Variants in CLDN10 observed in about 807,000 individuals in gnomAD.
CLDN10 encodes the protein claudin 10.
A neutral mutation model predicts 22.9 loss-of-function variants in CLDN10; 15 were observed. The observed-to-expected ratio is 0.65, with a 90% CI of 0.44 to 1.01. The LOEUF (loss-of-function observed/expected upper bound fraction) is 1.01. Among genes scored for constraint, CLDN10 ranks in the 50% least tolerant of loss-of-function variants. The pLI is 0.00. For synonymous variants in CLDN10, 114 were observed against 111.4 expected, an observed-to-expected ratio of 1.02 and a Z score of -0.15; for missense variants, 247 against 287.8, an observed-to-expected ratio of 0.86 and a Z score of 1.03.
At chr13:95,572,741 A>G (rs2043878974) in intron 3 of CLDN10, among the ~76,000 whole-genome samples, 1 of 152,190 alleles carries the variant, frequency 6.6e-6, no homozygotes, top group African/African-American at 2.4e-5. Context: ...CCACTAGACT[A>G]TACAATCTGG....
intron 3 of CLDN10, among the ~76,000 whole-genome samples, chr13:95,572,646 C>T (rs906546251): frequency 6.6e-6 from 1 of 152,184 alleles, no homozygotes; most frequent in African/African-American, 2.4e-5. Context: ...GGGAGAACCA[C>T]GGTAATGTTT....
At chr13:95,433,907 C>A in exon 1 of CLDN10, 1 of 1,614,178 alleles carries the variant, frequency 6.2e-7, no homozygotes, top group Non-Finnish European at 8.5e-7. Flanking sequence ...GCTACCACGT[C>A]CAATGAGTGG....
intron 1 of CLDN10, among the ~76,000 whole-genome samples, chr13:95,523,850 A>G (rs955237543): frequency 7.2e-5 from 11 of 152,108 alleles, no homozygotes; most frequent in African/African-American, 2.4e-4. Flanking sequence ...ATTGTAGGAC[A>G]TTAAGCAGTT....
intron 1 of CLDN10, among the ~76,000 whole-genome samples, chr13:95,503,232 A>T (rs1039090226): frequency 1.3e-5 from 2 of 152,236 alleles, no homozygotes; most frequent in Non-Finnish European, 2.9e-5. Flanking sequence ...TGATAATATT[A>T]ATAAAAGCCA....
rs2042460868 is a variant in CLDN10 at position 95,454,226 on chromosome 13, G to A, written c.214+20179G>A. 1.3e-5 allele frequency among the ~76,000 whole-genome samples: 2 copies of A among 152,122 alleles called. 1 individual carries two copies. The highest frequency in any genetic ancestry group is 4.2e-4 in the South Asian group (2 of 4,816). ...AGGCTGAGGCGGGTGGATCACCTGA[G>A]GTCAGGAGTTCAAGACTAGCCTAGC... is the stretch of plus-strand genomic sequence containing the variant. On this transcript the variant is annotated intron_variant, in intron 1 of 4. Coordinates refer to the CLDN10 transcript ENST00000376873.
At chr13:95,496,629 A>G (rs914508278) in intron 1 of CLDN10, among the ~76,000 whole-genome samples, 10 of 152,178 alleles carry the variant, frequency 6.6e-5, no homozygotes, top group Non-Finnish European at 1.5e-4. Flanking sequence ...TGGCCTGCAG[A>G]TGGCTGCCAT....
At chr13:95,482,371 G>C (rs2042758465) in intron 1 of CLDN10, among the ~76,000 whole-genome samples, 4 of 152,144 alleles carry the variant, frequency 2.6e-5, no homozygotes, top group Admixed American at 2.6e-4. Flanking sequence ...TATGGCCCAA[G>C]TCAGGCGCCG....
At chr13:95,474,397 C>T (rs1230914554) in intron 1 of CLDN10, among the ~76,000 whole-genome samples, 1 of 152,228 alleles carries the variant, frequency 6.6e-6, no homozygotes, top group South Asian at 2.1e-4. Context: ...ACTCACCTGC[C>T]TGCCACTCAC....
intron 1 of CLDN10, among the ~76,000 whole-genome samples, chr13:95,516,991 CT>C (rs2043174816): frequency 1.3e-5 from 1 of 76,292 alleles, no homozygotes; most frequent in African/African-American, 3.1e-5. Flanking sequence ...TCCTTCCTTC[CT>C]TCCTTCCTTC....
At position 95,552,875 on chromosome 13, in the gene CLDN10, C is replaced by T; in HGVS notation, c.122C>T (p.Thr41Ile). ...TCTACCATCGACGGCACGGTCATCA[C>T]AACCGCCACCTATTGGGCCAACCTG... Reference protein sequence around the residue: ...KVSTIDGTVITTATYWANLWK... With the variant: ...KVSTIDGTVIITATYWANLWK... The change falls in exon 1 of 5, where the codon ACA becomes ATA. Residue 41 changes from threonine (T) to isoleucine (I), a missense_variant. Transcript: ENST00000299339. 4.3e-6 allele frequency: 7 copies of T among 1,614,140 alleles called. No homozygotes were observed. The highest frequency in any genetic ancestry group is 2.2e-5 in the South Asian group (2 of 91,090).
chr13:95,552,751 G>C lies in CLDN10; in HGVS notation c.-3G>C, dbSNP rs371744369. 6.2e-7 allele frequency: 1 copy of C among 1,607,202 alleles called. No homozygotes were observed. The highest frequency in any genetic ancestry group is 8.5e-7 in the Non-Finnish European group (1 of 1,177,302). The stretch of plus-strand genomic sequence containing the variant: ...GAGAGCGAGCGCGGCTGCAGCCGGC[G>C]GCATGGCTAGCACGGCTTCGGAGAT... On this transcript the variant is annotated 5_prime_UTR_variant, in exon 1 of 5. Transcript: ENST00000299339.
At chr13:95,498,638 A>C (rs1031195030) in intron 1 of CLDN10, among the ~76,000 whole-genome samples, 1 of 152,088 alleles carries the variant, frequency 6.6e-6, no homozygotes. Flanking sequence ...TAAGTGATCC[A>C]CCCATCTCAG....
At chr13:95,472,260 C>T (rs1161569308) in intron 1 of CLDN10, among the ~76,000 whole-genome samples, 1 of 152,092 alleles carries the variant, frequency 6.6e-6, no homozygotes, top group East Asian at 1.9e-4. Context: ...CACTACAGAG[C>T]TCATAAAATG....
At chr13:95,453,512 A>T (rs905958980) in intron 1 of CLDN10, among the ~76,000 whole-genome samples, 1 of 151,748 alleles carries the variant, frequency 6.6e-6, no homozygotes, top group Non-Finnish European at 1.5e-5. Context: ...GAGAAACCCC[A>T]TCTCTACTAA....
At chr13:95,564,522 A>G (rs2043758110) in intron 3 of CLDN10, among the ~76,000 whole-genome samples, 1 of 152,126 alleles carries the variant, frequency 6.6e-6, no homozygotes, top group Non-Finnish European at 1.5e-5. Context: ...CCCAACCCCT[A>G]AGGAAAAGAG....
chr13:95,458,777 C>A (rs1483056150), intron 1 of CLDN10, among the ~76,000 whole-genome samples: 1 of 152,166 alleles, frequency 6.6e-6, no homozygotes, highest in East Asian at 1.9e-4. Flanking sequence ...CCTCACATTT[C>A]AAAACATAAT....
intron 1 of CLDN10, among the ~76,000 whole-genome samples, chr13:95,505,403 C>T (rs1352476424): frequency 6.6e-6 from 1 of 152,200 alleles, no homozygotes; most frequent in Non-Finnish European, 1.5e-5. Context: ...TTACAATGGG[C>T]ACATGGGGAC....
At chr13:95,496,087 C>T (rs2042926859) in intron 1 of CLDN10, among the ~76,000 whole-genome samples, 1 of 152,218 alleles carries the variant, frequency 6.6e-6, no homozygotes, top group Non-Finnish European at 1.5e-5. Flanking sequence ...GCACTTCCCA[C>T]ATGTTGGATA....
chr13:95,546,266 C>G (rs996091030), intron 1 of CLDN10, among the ~76,000 whole-genome samples: 3 of 152,154 alleles, frequency 2.0e-5, no homozygotes, highest in Admixed American at 2.0e-4. Context: ...TGGGAAGCAA[C>G]TTCTCACAAG....
Sources: allele counts gnomAD v4.1 joint callset (sites outside exome capture counted in the v4.1 genomes callset), GRCh38; gene constraint gnomAD v4.1.1; transcripts MANE v1.5; gene names NCBI Gene and HGNC (gene_info 2026-07-23, HGNC 2026-07-21).